The following MAGED1 variants were observed in gnomAD, a reference collection of about 807,000 sequenced individuals.
MAGED1 encodes MAGE family member D1.
Under a neutral mutation model 54.1 loss-of-function variants are expected in MAGED1, and 3 were observed. The ratio of observed to expected loss-of-function variants is 0.06; its 90% CI spans 0.03 to 0.14. The LOEUF is 0.14. Among genes scored for constraint, MAGED1 ranks in the 10% least tolerant of loss-of-function variants. MAGED1 has a pLI of 1.00. For missense variants in MAGED1, 485 were observed against 623.4 expected (o/e 0.78, Z 2.36); for synonymous variants, 217 against 227.3 (o/e 0.95, Z 0.41).
At chrX:51,838,513 G>C (rs782295618) in intron 1 of MAGED1, among the ~76,000 whole-genome samples, 2 of 111,934 alleles carry the variant, frequency 1.8e-5, no homozygotes, top group Non-Finnish European at 3.8e-5. Context: ...AGGTACCAGG[G>C]AATATTTGGG....
rs1179676499 is a variant in MAGED1, at chrX:51,803,627, C to CTT, written c.-37+529_-37+530dup. Among the ~76,000 whole-genome samples the CTT allele has an allele frequency of 8.8e-3, 532 of 60,348 alleles. 3 individuals are homozygous for CTT. The highest frequency in any genetic ancestry group is 0.012 in the African/African-American group (187 of 15,820). 52.4% of individuals were successfully genotyped at this position (60,348 alleles called of 115,157 possible). A position where few individuals can be genotyped will look rare whatever the true frequency, so the allele number is the denominator to read the frequency against. ...AGTAGGTGTGACTTCAAGGTCAAGG[C>CTT]TTTTTTTTTTTTTTTTTTTTGGTTC... On this transcript the variant is annotated intron_variant, in intron 1 of 12. Coordinates refer to the MAGED1 transcript ENST00000375772.
upstream of MAGED1, among the ~76,000 whole-genome samples, chrX:51,892,275 T>A (rs149375701): frequency 4.7e-4 from 53 of 112,634 alleles, no homozygotes; most frequent in South Asian, 1.1e-3. Context: ...CTTTGCACAT[T>A]GAGAAACCAG....
chrX:51,887,091 CAAAA>C (rs139578352), intron 1 of MAGED1, among the ~76,000 whole-genome samples: 3 of 76,801 alleles, frequency 3.9e-5, no homozygotes, highest in Non-Finnish European at 4.9e-5. Context: ...TACAATGACT[CAAAA>C]AAAAAAAAAA....
chrX:51,863,829 G>T (rs1025223807), intron 1 of MAGED1, among the ~76,000 whole-genome samples: 1 of 110,758 alleles, frequency 9.0e-6, no homozygotes, highest in Non-Finnish European at 1.9e-5. Context: ...TGGGTTATTT[G>T]TGTGTGTTTT....
intron 1 of MAGED1, among the ~76,000 whole-genome samples, chrX:51,854,978 A>G (rs1189069141): frequency 1.8e-5 from 2 of 111,286 alleles, no homozygotes; most frequent in African/African-American, 6.5e-5. Context: ...TCCCTACTCA[A>G]TTTAATCTCT....
Position 51,895,467 on chromosome X carries a change from A to G in MAGED1, c.460A>G (p.Lys154Glu), listed in dbSNP as rs2147018270. The G allele has an allele frequency of 8.3e-7, 1 of 1,209,264 alleles. No homozygotes were observed. The highest frequency in any genetic ancestry group is 1.1e-6 in the Non-Finnish European group (1 of 894,163). ...MAFKAQNATT[K>E]VGPNATYNFS... is the part of the protein sequence containing the mutation. Reference sequence around the variant, plus strand: ...CTTCAAGGCCCAGAATGCCACTACTAAAGTGGGCCCAAATGCCACCTACAA... The same window carrying G: ...CTTCAAGGCCCAGAATGCCACTACTGAAGTGGGCCCAAATGCCACCTACAA... Residue 154 changes from lysine to glutamate, a missense_variant, in exon 3 of 13, where the codon AAA becomes GAA. Lys to Glu is a moderately conservative substitution (Grantham distance 56). Transcript: ENST00000326587.
intron 11 of MAGED1, among the ~76,000 whole-genome samples, chrX:51,900,688 G>A (rs186539991): frequency 3.4e-4 from 38 of 111,622 alleles, no homozygotes; most frequent in African/African-American, 1.0e-3. Context: ...AGAGTGCAGT[G>A]GCGCAATCTT....
intron 1 of MAGED1, among the ~76,000 whole-genome samples, chrX:51,841,211 G>T (rs1346947100): frequency 3.6e-5 from 4 of 110,815 alleles, no homozygotes; most frequent in Admixed American, 1.9e-4. Flanking sequence ...CTTCATGTGT[G>T]TTTTGGCTGC....
At chrX:51,805,483 T>C (rs997729481) in intron 1 of MAGED1, among the ~76,000 whole-genome samples, 1 of 110,312 alleles carries the variant, frequency 9.1e-6, no homozygotes, top group Admixed American at 9.8e-5. Flanking sequence ...ATAAAAAATA[T>C]ACAGAATATT....
intron 1 of MAGED1, among the ~76,000 whole-genome samples, chrX:51,805,712 A>G (rs1328870047): frequency 1.8e-5 from 2 of 108,934 alleles, no homozygotes; most frequent in African/African-American, 3.3e-5. Flanking sequence ...TTCTGGACCT[A>G]GATTCAACAA....
chrX:51,884,607 A>G (rs182559478), intron 1 of MAGED1, among the ~76,000 whole-genome samples: 120 of 112,236 alleles, frequency 1.1e-3, no homozygotes, highest in Admixed American at 5.1e-3. Context: ...TCCAGAAAAT[A>G]AGAGGAAACA....
intron 1 of MAGED1, among the ~76,000 whole-genome samples, chrX:51,879,170 A>G (rs1927971633): frequency 8.9e-6 from 1 of 111,796 alleles, no homozygotes; most frequent in Non-Finnish European, 1.9e-5. Context: ...TAATTACAGC[A>G]TCCTCAAATA....
chrX:51,892,955 T>C (rs782618620), upstream of MAGED1, among the ~76,000 whole-genome samples: 19 of 111,021 alleles, frequency 1.7e-4, no homozygotes, highest in Admixed American at 9.5e-4. Flanking sequence ...CCTGCTGTGA[T>C]GTACAAGCTG....
chrX:51,860,462 G>A (rs1308052187), intron 1 of MAGED1, among the ~76,000 whole-genome samples: 2 of 111,528 alleles, frequency 1.8e-5, no homozygotes, highest in East Asian at 5.7e-4. Context: ...CGGAGAAGAA[G>A]GAATCAAGGA....
Position 51,895,136 on chromosome X carries a change from C to G in MAGED1, c.129C>G (p.Asn43Lys), listed in dbSNP as rs1928674730. The G allele has an allele frequency of 6.6e-6, 8 of 1,211,989 alleles. No homozygotes were observed. The highest frequency in any genetic ancestry group is 8.9e-6 in the Non-Finnish European group (8 of 895,487). The change falls in exon 3 of 13, where the codon AAC (asparagine) becomes AAG (lysine). Residue 43 changes from asparagine to lysine, a missense_variant. Coordinates refer to ENST00000326587, the MANE Select transcript of MAGED1 (RefSeq NM_006986.4). ...AGATCTCAGAGGCTCCACCTACTAACCAGGCCACCGCAGCTGCTAGTCCCC... is the reference window on the plus strand; with the variant it reads ...AGATCTCAGAGGCTCCACCTACTAAGCAGGCCACCGCAGCTGCTAGTCCCC... ...AIQISEAPPT[N>K]QATAAASPQS...
intron 1 of MAGED1, among the ~76,000 whole-genome samples, chrX:51,803,457 C>A (rs1924921548): frequency 9.2e-6 from 1 of 108,644 alleles, no homozygotes; most frequent in Non-Finnish European, 1.9e-5. Context: ...TACCTCCTAC[C>A]TCTCACCTCC....
intron 1 of MAGED1, among the ~76,000 whole-genome samples, chrX:51,809,175 C>T (rs1277931654): frequency 9.0e-6 from 1 of 110,739 alleles, no homozygotes; most frequent in African/African-American, 3.3e-5. Flanking sequence ...AGTGCAGTGG[C>T]GCGATCTCTG....
At chrX:51,898,858 G>A in intron 10 of MAGED1, 1 of 352,189 alleles carries the variant, frequency 2.8e-6, no homozygotes, top group Admixed American at 5.2e-5. Context: ...ACAAAAATTA[G>A]CCAGGCGTGG....
At chrX:51,864,929 G>A (rs1927410301) in intron 1 of MAGED1, among the ~76,000 whole-genome samples, 1 of 111,714 alleles carries the variant, frequency 9.0e-6, no homozygotes, top group Non-Finnish European at 1.9e-5. Flanking sequence ...TTTCCAATTT[G>A]GATGCATTTT....
Sources: allele counts gnomAD v4.1 joint callset (sites outside exome capture counted in the v4.1 genomes callset), GRCh38; gene constraint gnomAD v4.1.1; transcripts MANE v1.5; gene names NCBI Gene and HGNC (gene_info 2026-07-23, HGNC 2026-07-21).